Variants in SARM1 observed in about 807,000 individuals in gnomAD.
SARM1 encodes the protein sterile alpha and TIR motif containing 1, also known as NAD(+) hydrolase SARM1.
SARM1 carries 60 observed loss-of-function variants against 65.1 expected under a neutral mutation model. The ratio of observed to expected loss-of-function variants is 0.92; its 90% CI spans 0.75 to 1.14. SARM1 has a LOEUF of 1.14. SARM1 is among the 50% of genes most tolerant of loss of function. The probability of loss-of-function intolerance (pLI) is 0.00; values close to 1 mark genes in which losing one functional copy is unlikely to be tolerated. For missense variants in SARM1, 913 were observed against 1,015.7 expected, an observed-to-expected ratio of 0.90 and a Z score of 1.37; for synonymous variants, 417 against 465.4, an observed-to-expected ratio of 0.90 and a Z score of 1.34.
intron 5 of SARM1, among the ~76,000 whole-genome samples, chr17:28,387,473 C>G (rs1567808832): frequency 6.6e-6 from 1 of 151,028 alleles, no homozygotes; most frequent in African/African-American, 2.4e-5. Flanking sequence ...ATCCACCCAC[C>G]TTGGCCCCCC....
At position 28,385,154 on chromosome 17, in the gene SARM1, C is replaced by T; in HGVS notation, c.1509C>T (p.Tyr503=). ...ACCCGCGCTTCCGCCAGTACACCTA[C>T]GGCCTGGTCAGCTGCGGCCTGGACC... ...SLDPRFRQYT[Y]GLVSCGLDRS... Residue 503 remains tyrosine (Y), a synonymous_variant, in exon 5 of 9, where the codon TAC becomes TAT. Coordinates refer to ENST00000585482, the MANE Select transcript of SARM1 (RefSeq NM_015077.4). The surrounding 1 kb of genome is among the most constrained non-coding windows in gnomAD (Gnocchi z 4.5). 3.7e-6 allele frequency: 6 copies of T among 1,613,036 alleles called. No homozygotes were observed. Among genetic ancestry groups the T allele is most frequent in the Non-Finnish European group, 3.4e-6 (4 of 1,179,710 alleles).
chr17:28,402,295 C>G lies in SARM1; in HGVS notation c.*6009C>G. 2 of 1,613,610 alleles carry G rather than the reference C, an allele frequency of 1.2e-6. No individual in the cohort carries two copies. The highest frequency in any genetic ancestry group is 1.7e-6 in the Non-Finnish European group (2 of 1,179,746). ...TTAGCCCGGATGACAGGTGTGATGA[C>G]TAATGACAGGAAAAGCAACCCATAT... On this transcript the variant is annotated 3_prime_UTR_variant, in exon 9 of 9. Transcript: ENST00000585482.
chr17:28,385,276 G>A lies in SARM1; in HGVS notation c.1630+1G>A, dbSNP rs543603982. On this transcript the variant is annotated splice_donor_variant, in intron 5 of 8. Transcript: ENST00000585482. LOFTEE classifies it high-confidence loss of function. The surrounding 1 kb of genome is among the most constrained non-coding windows in gnomAD (Gnocchi z 4.5). ...GCCCGCATCCTCACGGCGGCCAGAG[G>A]TCAGCCCGCTCACCCGGGACCCCGC... The A allele has an allele frequency of 2.3e-4, 350 of 1,533,606 alleles. 1 individual carries two copies. The South Asian group carries it at 3.8e-3, about 17-fold the overall frequency. The allele number at this position is 1,533,606 out of a possible 1,614,324, so 95.0% of individuals were successfully genotyped here. A position where few individuals can be genotyped will look rare whatever the true frequency, so the allele number is the denominator to read the frequency against.
At position 28,384,005 on chromosome 17, in the gene SARM1, A is replaced by C. The variant is rs1449033975; in HGVS notation, c.1090-352A>C. Among the ~76,000 whole-genome samples, 1 of 152,092 alleles carries C rather than the reference A, an allele frequency of 6.6e-6. No individual in the cohort carries two copies. Among genetic ancestry groups the C allele is most frequent in the African/African-American group, 2.4e-5 (1 of 41,412 alleles). ...GCATGTGCGTGTGTGTGTGAAGTGT[A>C]AGTTAGTGGAAGGTGAGGTGAACTG... On this transcript the variant is annotated intron_variant, in intron 2 of 8. Transcript: ENST00000585482. The surrounding 1 kb of genome is among the most constrained non-coding windows in gnomAD (Gnocchi z 4.4).
intron 7 of SARM1, 180 bp from the exon 8 acceptor site, chr17:28,395,725 A>G (rs1328686726): frequency 1.3e-5 from 8 of 627,926 alleles, no homozygotes; most frequent in Non-Finnish European, 1.6e-5. Flanking sequence ...CTCTGGGCAA[A>G]GGAAAAATAT....
In SARM1 at chr17:28,396,482, T is replaced by G; in HGVS notation, c.*196T>G. 2 of 659,108 alleles carry G rather than the reference T, an allele frequency of 3.0e-6. No homozygotes were observed. Among genetic ancestry groups the G allele is most frequent in the Non-Finnish European group, 5.1e-6 (2 of 393,520 alleles). 40.8% of individuals were successfully genotyped at this position (659,108 alleles called of 1,614,324 possible). A position where few individuals can be genotyped will look rare whatever the true frequency, so the allele number is the denominator to read the frequency against. ...TCAGTATCTGGAGAGGGAAGGGAAG[T>G]CAGGCTTGGGCACGGGAGGTTAGAA... On this transcript the variant is annotated 3_prime_UTR_variant, in exon 9 of 9. Coordinates refer to ENST00000585482, the MANE Select transcript of SARM1 (RefSeq NM_015077.4).
At chr17:28,374,281 CAAAAA>C (rs10607992) in intron 1 of SARM1, 12,553 of 79,200 alleles carry the variant, frequency 0.16, 752 homozygotes, top group East Asian at 0.31. Context: ...AGACTCGTCT[CAAAAA>C]AAAAAAAAAA....
Position 28,381,214 on chromosome 17 carries a change from C to G in SARM1, c.482C>G (p.Ala161Gly). The change falls in exon 2 of 9, where the codon GCG becomes GGG. Residue 161 changes from alanine (A) to glycine (G), a missense_variant. Around this residue, in one of 3 missense-constraint regions of SARM1, gnomAD observed 862 missense variants for 952.1 expected, o/e 0.91. Transcript: ENST00000585482. ...ILVAENRDRV[A>G]RIGLGVILNL... ...CTTTCACTGGGCAGAGACCGCGTGG[C>G]GCGCATTGGGCTGGGCGTGATCCTG... The G allele has an allele frequency of 6.2e-7, 1 of 1,600,154 alleles. No homozygotes were observed. The highest frequency in any genetic ancestry group is 2.3e-5 in the East Asian group (1 of 44,302).
rs782762846 is a variant in SARM1, at chr17:28,384,596, C to T, written c.1302+27C>T. ...TAGAGTCGCGTGGGATACGCCTCCC[C>T]CGAGTCAGAGCGGGCGCCCTGTGCA... On this transcript the variant is annotated intron_variant, in intron 3 of 8. Transcript: ENST00000585482. The surrounding 1 kb of genome is among the most constrained non-coding windows in gnomAD (Gnocchi z 4.4). 2 of 1,554,584 alleles carry T rather than the reference C, an allele frequency of 1.3e-6. No individual in the cohort carries two copies. The highest frequency in any genetic ancestry group is 2.4e-5 in the East Asian group (1 of 42,326).
At position 28,372,533 on chromosome 17, in the gene SARM1, G is replaced by T; in HGVS notation, c.470+31G>T. ...CGCGCCAGGCCGGGGTTGGGAGAGCGCCGCGTGGTGTGGACAGTTAAGCGC... is the reference window on the plus strand; with the variant it reads ...CGCGCCAGGCCGGGGTTGGGAGAGCTCCGCGTGGTGTGGACAGTTAAGCGC... On this transcript the variant is annotated intron_variant, in intron 1 of 8. Transcript: ENST00000585482. The surrounding 1 kb of genome is among the most constrained non-coding windows in gnomAD (Gnocchi z 5.2). 1 of 1,486,922 alleles carries T rather than the reference G, an allele frequency of 6.7e-7. No homozygotes were observed. Among genetic ancestry groups the T allele is most frequent in the Non-Finnish European group, 8.9e-7 (1 of 1,119,330 alleles). 92.1% of individuals were successfully genotyped at this position (1,486,922 alleles called of 1,614,324 possible).
chr17:28,379,496 G>A (rs1355981103), intron 1 of SARM1, among the ~76,000 whole-genome samples: 1 of 151,830 alleles, frequency 6.6e-6, no homozygotes, highest in African/African-American at 2.4e-5. Flanking sequence ...ATTTTTAGTA[G>A]GGACAGGGTT....
chr17:28,371,988 T>G lies in SARM1; in HGVS notation c.-45T>G, dbSNP rs1555584058. 1 of 1,382,992 alleles carries G rather than the reference T, an allele frequency of 7.2e-7. No individual in the cohort carries two copies. The allele number at this position is 1,382,992 out of a possible 1,614,324, so 85.7% of individuals were successfully genotyped here. The stretch of plus-strand genomic sequence containing the variant: ...TTCCCAAAACCCGGGTCTCTCCGCG[T>G]GGCCCCGCCTCCAGGCCGGGGATGT... On this transcript the variant is annotated 5_prime_UTR_variant, in exon 1 of 9. Coordinates refer to ENST00000585482, the MANE Select transcript of SARM1 (RefSeq NM_015077.4).
At position 28,377,060 on chromosome 17, in the gene SARM1, G is replaced by A. The variant is rs111898130; in HGVS notation, c.471-4143G>A. On this transcript the variant is annotated intron_variant, in intron 1 of 8. Coordinates refer to ENST00000585482, the MANE Select transcript of SARM1 (RefSeq NM_015077.4). ...CCACCTCAGCCTCCCAAAGTGTTGG[G>A]ATTACAGGCGTGAGCTACCGCACCT... 1.1e-3 allele frequency among the ~76,000 whole-genome samples: 175 copies of A among 152,314 alleles called. 1 individual carries two copies. The highest frequency in any genetic ancestry group is 9.7e-3 in the South Asian group (47 of 4,830).
chr17:28,390,330 G>A (rs1274404248), intron 7 of SARM1, among the ~76,000 whole-genome samples: 2 of 152,142 alleles, frequency 1.3e-5, no homozygotes, highest in Non-Finnish European at 2.9e-5. Flanking sequence ...TTCAGAGGGA[G>A]TAGGTTATAA....
chr17:28,399,646 T>C lies in SARM1; in HGVS notation c.*3360T>C. The C allele has an allele frequency of 6.2e-7, 1 of 1,613,898 alleles. No homozygotes were observed. The highest frequency in any genetic ancestry group is 8.5e-7 in the Non-Finnish European group (1 of 1,179,862). ...GCTCCTCTTGCCCTCTGTCTTCTGG[T>C]CCAGGCAGATCAGGGGCTCTGGGGA... is the stretch of plus-strand genomic sequence containing the variant. On this transcript the variant is annotated 3_prime_UTR_variant, in exon 9 of 9. Coordinates refer to ENST00000585482, the MANE Select transcript of SARM1 (RefSeq NM_015077.4).
rs1261628969 is a variant in SARM1 at position 28,398,272 on chromosome 17, C to G, written c.*1986C>G. ...GCGTTTTATTTCTATTTGGTATACC[C>G]TCCACTGTTGTCCACTGCCCTGTGT... On this transcript the variant is annotated 3_prime_UTR_variant, in exon 9 of 9. Coordinates refer to ENST00000585482, the MANE Select transcript of SARM1 (RefSeq NM_015077.4). 6.6e-6 allele frequency: 1 copy of G among 152,328 alleles called. No individual in the cohort carries two copies. The highest frequency in any genetic ancestry group is 2.4e-5 in the African/African-American group (1 of 41,442). 9.4% of individuals were successfully genotyped at this position (152,328 alleles called of 1,614,324 possible).
intron 7 of SARM1, among the ~76,000 whole-genome samples, chr17:28,392,426 C>T (rs1193152719): frequency 6.6e-6 from 1 of 152,152 alleles, no homozygotes; most frequent in Non-Finnish European, 1.5e-5. Context: ...GCCATTATCC[C>T]TTTCTTGGCC....
chr17:28,384,931 G>A lies in SARM1; in HGVS notation c.1394+1G>A. The stretch of plus-strand genomic sequence containing the variant: ...TGAAATCGGGCATCACCCGCAAGAG[G>A]TACGGAGCCTCCTGCCCGCCGGACC... On this transcript the variant is annotated splice_donor_variant, in intron 4 of 8. Transcript: ENST00000585482. LOFTEE classifies it high-confidence loss of function. This position sits in a 1 kb window ranked among gnomAD's most constrained non-coding sequence, Gnocchi z 4.4. The A allele has an allele frequency of 1.9e-6, 3 of 1,569,496 alleles. No homozygotes were observed. The highest frequency in any genetic ancestry group is 2.6e-6 in the Non-Finnish European group (3 of 1,157,332).
chr17:28,377,177 G>A (rs774263508), intron 1 of SARM1, among the ~76,000 whole-genome samples: 4 of 152,208 alleles, frequency 2.6e-5, no homozygotes, highest in Non-Finnish European at 5.9e-5. Context: ...TGAAGGTGAA[G>A]GATCTTGAAC....
Sources: allele counts gnomAD v4.1 joint callset (sites outside exome capture counted in the v4.1 genomes callset), GRCh38; gene constraint gnomAD v4.1.1; regional missense constraint gnomAD v4.1.1; non-coding constraint Gnocchi (gnomAD v3.1); transcripts MANE v1.5; gene names NCBI Gene and HGNC (gene_info 2026-07-23, HGNC 2026-07-21).